EML6: variants seen among roughly 807,000 people sequenced by gnomAD.
The protein encoded by EML6 is echinoderm microtubule-associated protein-like 6.
Under a neutral mutation model 240.1 loss-of-function variants are expected in EML6, and 154 were observed. The ratio of observed to expected loss-of-function variants is 0.64; its 90% confidence interval spans 0.56 to 0.73. EML6 has a LOEUF of 0.73. EML6 is among the 30% of genes least tolerant of loss of function. The probability of loss-of-function intolerance (pLI) is 0.00; values close to 1 mark genes in which losing one functional copy is unlikely to be tolerated. For synonymous variants in EML6, 1,148 were observed against 899.0 expected (o/e 1.28, Z -4.95); for missense variants, 2,964 against 2,474.6 (o/e 1.20, Z -4.20).
chr2:54,748,690 G>C (rs1372211055), intron 2 of EML6, among the ~76,000 whole-genome samples: 1 of 152,138 alleles, frequency 6.6e-6, no homozygotes, highest in Non-Finnish European at 1.5e-5. Context: ...CTCCTGAGTA[G>C]CTGGGACTAC....
chr2:54,729,063 TA>T (rs1683039243), intron 2 of EML6, among the ~76,000 whole-genome samples: 1 of 152,222 alleles, frequency 6.6e-6, no homozygotes. Context: ...GCGACTTTAA[TA>T]AACCTCTTCG....
intron 40 of EML6, 35 bp from the exon 41 acceptor site, chr2:54,968,633 G>T (rs370452952): frequency 1.4e-5 from 18 of 1,262,274 alleles, no homozygotes; most frequent in African/African-American, 4.4e-5. Context: ...AGGAGCCAGG[G>T]TCTCTTAGCT....
chr2:54,851,855 G>C (rs1368846028), intron 10 of EML6, among the ~76,000 whole-genome samples: 1 of 152,204 alleles, frequency 6.6e-6, no homozygotes. Context: ...AAATGAACTG[G>C]AGGTATCATC....
intron 17 of EML6, chr2:54,882,273 C>CT (rs551619521): frequency 0.018 from 1,965 of 106,890 alleles, 22 homozygotes; most frequent in African/African-American, 0.036. Context: ...ATTTTTTAGT[C>CT]TTTTTTTTTT....
In EML6 at chr2:54,850,184, C is replaced by T. The variant is rs371106459; in HGVS notation, c.1410C>T (p.Asp470=). 2.9e-5 allele frequency: 45 copies of T among 1,551,514 alleles called. No homozygotes were observed. The highest frequency in any genetic ancestry group is 4.9e-5 in the East Asian group (2 of 40,914). Residue 470 remains aspartate, a synonymous_variant, in exon 10 of 42, where the codon GAC becomes GAT. Coordinates refer to ENST00000356458, the MANE Select transcript of EML6 (RefSeq NM_001039753.4). ...SLDSKYLQTN[D]GAGERLFYRM... Reference sequence around the variant, plus strand: ...ATAGTAAATACTTACAAACTAATGACGGTGCAGGAGAACGATTGTTCTACA... The same window carrying T: ...ATAGTAAATACTTACAAACTAATGATGGTGCAGGAGAACGATTGTTCTACA...
intron 28 of EML6, among the ~76,000 whole-genome samples, chr2:54,939,199 T>A (rs1342534065): frequency 6.6e-6 from 1 of 152,244 alleles, no homozygotes; most frequent in Non-Finnish European, 1.5e-5. Context: ...CTAGGAAATC[T>A]CTGCTTCTAA....
rs565719278 is a variant in EML6, at chr2:54,816,646, T to G, written c.358-141T>G. 42 of 627,150 alleles carry G rather than the reference T, an allele frequency of 6.7e-5. 1 individual carries two copies. The highest frequency in any genetic ancestry group is 6.6e-4 in the African/African-American group (36 of 54,434). 38.8% of individuals were successfully genotyped at this position (627,150 alleles called of 1,614,324 possible). A position where few individuals can be genotyped will look rare whatever the true frequency, so the allele number is the denominator to read the frequency against. ...ATCATCTATTGTGTTATTTTTAGTT[T>G]GGGGTTTAAGATGGGTTTTGAGAAA... On this transcript the variant is annotated intron_variant, in intron 3 of 41. Transcript: ENST00000356458.
chr2:54,890,581 A>T (rs1261567499), intron 17 of EML6, among the ~76,000 whole-genome samples: 1 of 152,112 alleles, frequency 6.6e-6, no homozygotes, highest in Non-Finnish European at 1.5e-5. Context: ...TCTAAACAAT[A>T]TGTTTCCAGC....
chr2:54,922,271 A>C (rs760928216), intron 26 of EML6, among the ~76,000 whole-genome samples: 21 of 152,372 alleles, frequency 1.4e-4, no homozygotes, highest in Middle Eastern at 6.8e-3. Flanking sequence ...TCTCCAAAGA[A>C]GACATAGAAA....
At chr2:54,726,093 G>A (rs2104358646) in intron 2 of EML6, among the ~76,000 whole-genome samples, 1 of 152,304 alleles carries the variant, frequency 6.6e-6, no homozygotes. Flanking sequence ...GCTTTTATGT[G>A]AGCAAACAAG....
At chr2:54,831,749 G>A (rs992707949) in intron 7 of EML6, among the ~76,000 whole-genome samples, 18 of 152,058 alleles carry the variant, frequency 1.2e-4, no homozygotes. Context: ...TTAAAGGATG[G>A]TATAGATCAT....
At position 54,774,529 on chromosome 2, in the gene EML6, G is replaced by A. The variant is rs72915590; in HGVS notation, c.198-38703G>A. ...CTGGATGGTTTTTAGCCTACATCAC[G>A]GGGAGAATGGAAGAGCTAGCATCTC... is the stretch of plus-strand genomic sequence containing the variant. On this transcript the variant is annotated intron_variant, in intron 2 of 41. Coordinates refer to ENST00000356458, the MANE Select transcript of EML6 (RefSeq NM_001039753.4). The surrounding 1 kb of genome is among the most constrained non-coding windows in gnomAD (Gnocchi z 4.1). Among the ~76,000 whole-genome samples, 7,796 of 152,190 alleles carry A rather than the reference G, an allele frequency of 0.051. 616 individuals carry two copies. Among genetic ancestry groups the A allele is most frequent in the African/African-American group, 0.17 (6,913 of 41,504 alleles).
chr2:54,813,672 A>T (rs1188013074), intron 3 of EML6, among the ~76,000 whole-genome samples: 3 of 152,180 alleles, frequency 2.0e-5, no homozygotes, highest in Non-Finnish European at 4.4e-5. Flanking sequence ...ATAGCCCAGT[A>T]ATTCTACTTT....
intron 26 of EML6, among the ~76,000 whole-genome samples, chr2:54,926,717 A>AC (rs1674565808): frequency 6.6e-6 from 1 of 152,148 alleles, no homozygotes; most frequent in Non-Finnish European, 1.5e-5. Context: ...ATCTTGAATC[A>AC]CCCACTGCTG....
chr2:54,799,590 G>A (rs112157576), intron 2 of EML6, among the ~76,000 whole-genome samples: 12 of 152,172 alleles, frequency 7.9e-5, no homozygotes, highest in Non-Finnish European at 1.5e-4. Context: ...TGATTCACCC[G>A]CCTTGGCCTC....
chr2:54,739,858 G>T (rs957295362), intron 2 of EML6, among the ~76,000 whole-genome samples: 2 of 152,246 alleles, frequency 1.3e-5, no homozygotes, highest in South Asian at 4.1e-4. Context: ...AGTAATCCAG[G>T]TGTGAAGTAA....
rs1228818907 is a variant in EML6 at position 54,894,951 on chromosome 2, C to T, written c.2779C>T (p.Leu927Phe). ...AGGTGGAAAGGACGGCATCGTGGAG[C>T]TCTGGGATGATATGTTTGAAAGATG... The part of the protein sequence containing the change: ...VTGGKDGIVE[L>F]WDDMFERCLK... Residue 927 changes from leucine (L) to phenylalanine (F), a missense_variant, in exon 20 of 42, where the codon CTC (leucine) becomes TTC (phenylalanine). Leu to Phe is a conservative substitution (Grantham distance 22). Coordinates refer to ENST00000356458, the MANE Select transcript of EML6 (RefSeq NM_001039753.4). 1.9e-6 allele frequency: 3 copies of T among 1,551,308 alleles called. No individual in the cohort carries two copies. Among genetic ancestry groups the T allele is most frequent in the Middle Eastern group, 1.7e-4 (1 of 5,992 alleles).
chr2:54,968,083 C>G, intron 39 of EML6, 45 bp from the exon 40 acceptor site: 1 of 1,538,422 alleles, frequency 6.5e-7, no homozygotes, highest in Non-Finnish European at 8.8e-7. Context: ...AAGGAGCCTT[C>G]GCCGTGACTT....
intron 14 of EML6, chr2:54,868,610 T>C (rs972637125): frequency 1.3e-5 from 2 of 152,254 alleles, no homozygotes; most frequent in African/African-American, 4.8e-5. Context: ...CAAAAAATAA[T>C]CTTTCAGCTG....
Sources: gnomAD v4.1 joint callset for allele counts (sites outside exome capture counted in the v4.1 genomes callset) on GRCh38, gnomAD v4.1.1 for gene constraint, Gnocchi (gnomAD v3.1) non-coding constraint, MANE v1.5 for transcripts, NCBI Gene and HGNC (gene_info 2026-07-23, HGNC 2026-07-21) for gene names.